VWA2: variants seen among roughly 807,000 people sequenced by gnomAD.
VWA2 encodes von Willebrand factor A domain containing 2, also known as von Willebrand factor A domain-containing protein 2.
VWA2 carries 73 observed loss-of-function variants against 70.4 expected under a neutral mutation model. The observed-to-expected ratio is 1.04, with a 90% CI of 0.86 to 1.26. The LOEUF is 1.26. Ranked by LOEUF, VWA2 falls within the 50% of genes most tolerant of loss-of-function variation. The pLI is 0.00. For synonymous variants in VWA2, 407 were observed against 423.3 expected (o/e 0.96, Z 0.47); for missense variants, 1,011 against 998.5 (o/e 1.01, Z -0.17).
intron 5 of VWA2, among the ~76,000 whole-genome samples, chr10:114,271,142 A>T (rs529909490): frequency 6.6e-6 from 1 of 152,160 alleles, no homozygotes; most frequent in Non-Finnish European, 1.5e-5. Flanking sequence ...TCTTTAAGGG[A>T]TGGGATCGTG....
chr10:114,274,396 A>T (rs568297541), intron 6 of VWA2, among the ~76,000 whole-genome samples: 1 of 152,288 alleles, frequency 6.6e-6, no homozygotes, highest in African/African-American at 2.4e-5. Context: ...ACTGATTAGG[A>T]GGCCTTTGGC....
rs2039647539 is a variant in VWA2, at chr10:114,292,008, T to C, written c.*771T>C. The stretch of plus-strand genomic sequence containing the variant: ...CAAAAGAGGCTGCGGCCAGAGACTG[T>C]GGCTCATGCCTGTAATCCCAGCACT... On this transcript the variant is annotated 3_prime_UTR_variant, in exon 14 of 14. Transcript: ENST00000392982. 6.6e-6 allele frequency among the ~76,000 whole-genome samples: 1 copy of C among 152,202 alleles called. No individual in the cohort carries two copies. Among genetic ancestry groups the C allele is most frequent in the African/African-American group, 2.4e-5 (1 of 41,452 alleles).
intron 2 of VWA2, among the ~76,000 whole-genome samples, chr10:114,252,247 G>A (rs1299675300): frequency 6.6e-6 from 1 of 152,160 alleles, no homozygotes; most frequent in Non-Finnish European, 1.5e-5. Context: ...AACAGCAGCG[G>A]CAGACTGTGC....
intron 1 of VWA2, among the ~76,000 whole-genome samples, chr10:114,247,331 G>C (rs2037093538): frequency 6.6e-6 from 1 of 152,154 alleles, no homozygotes; most frequent in Non-Finnish European, 1.5e-5. Flanking sequence ...CCATATGAGA[G>C]TGTATAAAAT....
rs977679227 is a variant in VWA2 at position 114,291,423 on chromosome 10, A to G, written c.*186A>G. ...GGAGGAGGATGTCCCAACTGCAGCCATGCTGCTTAGAGACAAGAAAGCAGC... is the reference window on the plus strand; with the variant it reads ...GGAGGAGGATGTCCCAACTGCAGCCGTGCTGCTTAGAGACAAGAAAGCAGC... On this transcript the variant is annotated 3_prime_UTR_variant, in exon 14 of 14. Coordinates refer to ENST00000392982, the MANE Select transcript of VWA2 (RefSeq NM_001272046.2). The G allele has an allele frequency of 1.1e-5, 7 of 664,292 alleles. No homozygotes were observed. Among genetic ancestry groups the G allele is most frequent in the Admixed American group, 3.4e-5 (1 of 29,638 alleles). 41.1% of individuals were successfully genotyped at this position (664,292 alleles called of 1,614,324 possible).
chr10:114,255,817 A>G (rs1488151257), intron 4 of VWA2, among the ~76,000 whole-genome samples: 3 of 152,076 alleles, frequency 2.0e-5, no homozygotes, highest in Admixed American at 6.5e-5. Flanking sequence ...AGGAACACAG[A>G]TAGTTCCCAG....
At chr10:114,264,807 C>T (rs556234362) in intron 5 of VWA2, among the ~76,000 whole-genome samples, 11 of 152,260 alleles carry the variant, frequency 7.2e-5, no homozygotes, top group African/African-American at 2.4e-4. Flanking sequence ...GTCACCTCCA[C>T]CTCCCGGGTT....
At chr10:114,270,673 T>C (rs1221946380) in intron 5 of VWA2, among the ~76,000 whole-genome samples, 1 of 152,146 alleles carries the variant, frequency 6.6e-6, no homozygotes, top group Non-Finnish European at 1.5e-5. Flanking sequence ...AAGAGCTCTT[T>C]GGTGAAGGAA....
intron 1 of VWA2, among the ~76,000 whole-genome samples, chr10:114,247,435 T>C (rs1234527020): frequency 6.6e-6 from 1 of 152,100 alleles, no homozygotes; most frequent in Non-Finnish European, 1.5e-5. Context: ...GTAGCTGGAA[T>C]TATAGGTGCC....
Position 114,289,366 on chromosome 10 carries a change from G to T in VWA2, c.1999G>T (p.Val667Leu). 6.2e-7 allele frequency: 1 copy of T among 1,614,254 alleles called. No homozygotes were observed. The highest frequency in any genetic ancestry group is 8.5e-7 in the Non-Finnish European group (1 of 1,180,040). The change falls in exon 12 of 14, where the codon GTG (valine) becomes TTG (leucine). Residue 667 changes from valine (V) to leucine (L), a missense_variant. Physicochemically the swap from Val to Leu is conservative, Grantham distance 32 (BLOSUM62 1). Transcript: ENST00000392982. The part of the protein sequence containing the change: ...NNGISVLVVG[V>L]GPVLSEGLRR... ...TGGCATCTCTGTCTTGGTCGTGGGC[G>T]TGGGGCCTGTCCTAAGTGAGGGTCT... is the stretch of plus-strand genomic sequence containing the variant.
intron 4 of VWA2, among the ~76,000 whole-genome samples, chr10:114,260,565 T>C (rs2037424047): frequency 6.6e-6 from 1 of 152,172 alleles, no homozygotes; most frequent in Admixed American, 6.5e-5. Flanking sequence ...TATGGTTAGC[T>C]TCTGCGGCAG....
At chr10:114,259,721 T>C (rs1304865547) in intron 4 of VWA2, among the ~76,000 whole-genome samples, 2 of 152,186 alleles carry the variant, frequency 1.3e-5, no homozygotes, top group Admixed American at 6.5e-5. Flanking sequence ...TTCTCCCTGG[T>C]TTGAGATGCC....
At chr10:114,252,567 T>C (rs1016197466) in intron 2 of VWA2, among the ~76,000 whole-genome samples, 1 of 152,110 alleles carries the variant, frequency 6.6e-6, no homozygotes, top group Admixed American at 6.5e-5. Context: ...GTCTCTCTTG[T>C]CATCACTTTC....
chr10:114,275,259 A>T (rs1564726807), intron 6 of VWA2, among the ~76,000 whole-genome samples: 1 of 152,176 alleles, frequency 6.6e-6, no homozygotes, highest in East Asian at 1.9e-4. Context: ...GGAAATGGTG[A>T]TGACATCATT....
chr10:114,251,913 C>T (rs1017820520), intron 2 of VWA2, among the ~76,000 whole-genome samples: 7 of 151,636 alleles, frequency 4.6e-5, no homozygotes, highest in African/African-American at 7.3e-5. Flanking sequence ...CCTCCGCCTC[C>T]CGGGTTCAAG....
intron 10 of VWA2, 129 bp from the exon 11 acceptor site, chr10:114,285,810 C>T (rs1352266768): frequency 1.9e-6 from 2 of 1,050,794 alleles, no homozygotes; most frequent in Non-Finnish European, 2.7e-6. Context: ...GCACGGGTCA[C>T]TTAAGCTTGG....
chr10:114,241,819 C>T (rs1322667561), intron 1 of VWA2, among the ~76,000 whole-genome samples: 1 of 151,866 alleles, frequency 6.6e-6, no homozygotes, highest in Non-Finnish European at 1.5e-5. Context: ...TAAATGAAAA[C>T]CTAGTTTAAT....
rs1009098432 is a variant in VWA2, at chr10:114,287,401, G to A, written c.1570+890G>A. The stretch of plus-strand genomic sequence containing the variant: ...TTGCTATGTTGCCCAGGCTGGTCTC[G>A]AACTCCTGGGCTCAAGCAATCCACC... On this transcript the variant is annotated intron_variant, in intron 11 of 13. Transcript: ENST00000392982. 7.9e-5 allele frequency among the ~76,000 whole-genome samples: 12 copies of A among 151,978 alleles called. No homozygotes were observed. The East Asian group carries it at 9.7e-4, about 12-fold the overall frequency.
chr10:114,253,597 A>G, intron 2 of VWA2, 54 bp from the exon 3 acceptor site: 3 of 1,503,416 alleles, frequency 2.0e-6, no homozygotes, highest in African/African-American at 1.5e-5. Flanking sequence ...GTGGAGATTG[A>G]GCCTCCTCCC....
Sources: gnomAD v4.1 joint callset for allele counts (sites outside exome capture counted in the v4.1 genomes callset) on GRCh38, gnomAD v4.1.1 for gene constraint, MANE v1.5 for transcripts, NCBI Gene and HGNC (gene_info 2026-07-23, HGNC 2026-07-21) for gene names.